Variants in NAV2 observed in about 807,000 individuals in gnomAD.
NAV2 encodes the protein neuron navigator 2.
Under a neutral mutation model 223.2 loss-of-function variants are expected in NAV2, and 54 were observed. That is an observed-to-expected ratio of 0.24 (90% CI 0.19 to 0.30). NAV2 has a LOEUF of 0.30. Ranked by LOEUF, NAV2 falls within the 10% of genes least tolerant of loss-of-function variation. NAV2 has a pLI of 1.00. For missense variants in NAV2, 2,806 were observed against 3,147.5 expected (o/e 0.89, Z 2.60); for synonymous variants, 1,279 against 1,239.3 (o/e 1.03, Z -0.67).
chr11:19,458,809 C>T (rs1435362147), intron 1 of NAV2, among the ~76,000 whole-genome samples: 1 of 152,268 alleles, frequency 6.6e-6, no homozygotes, highest in Non-Finnish European at 1.5e-5. Context: ...CCTTTCTAGT[C>T]ATACCTCCTA....
intron 1 of NAV2, among the ~76,000 whole-genome samples, chr11:19,353,076 G>A (rs1303574387): frequency 2.0e-5 from 3 of 152,114 alleles, no homozygotes; most frequent in East Asian, 3.8e-4. Context: ...TCTTCAGGGG[G>A]GATTGGCTGA....
At chr11:19,347,768 C>A (rs1853085343), upstream of NAV2, among the ~76,000 whole-genome samples, 1 of 152,184 alleles carries the variant, frequency 6.6e-6, no homozygotes, top group South Asian at 2.1e-4. Context: ...CTCAACAATT[C>A]AGTTAAATGT....
intron 1 of NAV2, among the ~76,000 whole-genome samples, chr11:19,777,096 C>G (rs1032595745): frequency 4.0e-5 from 6 of 150,020 alleles, no homozygotes; most frequent in South Asian, 2.1e-4. Flanking sequence ...GCCGCCGACC[C>G]CCCCCCCCAC....
chr11:19,448,558 T>G (rs1382486526), intron 1 of NAV2, among the ~76,000 whole-genome samples: 2 of 152,216 alleles, frequency 1.3e-5, no homozygotes, highest in African/African-American at 2.4e-5. Context: ...ACGTGGTTCT[T>G]CATGGGGAGA....
chr11:19,736,921 G>A (rs534424927), intron 1 of NAV2, among the ~76,000 whole-genome samples: 1 of 152,218 alleles, frequency 6.6e-6, no homozygotes, highest in Non-Finnish European at 1.5e-5. Flanking sequence ...CCCTACCAGG[G>A]GAAAAAAAAA....
In NAV2 at chr11:20,048,909, C is replaced by G; in HGVS notation, c.4084C>G (p.Leu1362Val). ...SSPLYSKNVD[L>V]NQSPLASSPS... ...TCCTCTCTACAGCAAGAATGTGGAC[C>G]TCAACCAGTCTCCGCTAGCCTCCAG... The change falls in exon 15 of 38, where the codon CTC becomes GTC. Residue 1362 changes from leucine to valine, a missense_variant. Coordinates refer to ENST00000349880, the MANE Select transcript of NAV2 (RefSeq NM_145117.5). 1 of 1,614,182 alleles carries G rather than the reference C, an allele frequency of 6.2e-7. No homozygotes were observed. The highest frequency in any genetic ancestry group is 8.5e-7 in the Non-Finnish European group (1 of 1,180,040).
At chr11:20,091,433 T>C (rs1229133815) in intron 27 of NAV2, among the ~76,000 whole-genome samples, 7 of 152,094 alleles carry the variant, frequency 4.6e-5, no homozygotes, top group Admixed American at 1.3e-4. Context: ...TTCCCTCCAC[T>C]GGGTATATTC....
intron 1 of NAV2, among the ~76,000 whole-genome samples, chr11:19,822,218 G>A (rs1011614474): frequency 6.6e-6 from 1 of 152,186 alleles, no homozygotes; most frequent in South Asian, 2.1e-4. Context: ...TTTTACAGAT[G>A]AGGCAACTGA....
intron 1 of NAV2, among the ~76,000 whole-genome samples, chr11:19,742,232 C>T (rs1400433659): frequency 6.6e-6 from 1 of 152,236 alleles, no homozygotes; most frequent in African/African-American, 2.4e-5. Context: ...GGGTCAAATA[C>T]TGGCTCTACC....
chr11:19,921,842 C>T (rs1016950097), intron 6 of NAV2, among the ~76,000 whole-genome samples: 1 of 152,168 alleles, frequency 6.6e-6, no homozygotes, highest in Non-Finnish European at 1.5e-5. Context: ...AATAAAAATG[C>T]TTAGCACTGT....
At position 19,971,408 on chromosome 11, in the gene NAV2, A is replaced by G. The variant is rs371700238; in HGVS notation, c.2646-12717A>G. ...TTTTAGGGGGCAAGGGGATGGAGAG[A>G]TGGGTTTGGGACCTATTTTGCAGGG... On this transcript the variant is annotated intron_variant, in intron 10 of 37. Transcript: ENST00000349880. 7.9e-5 allele frequency among the ~76,000 whole-genome samples: 12 copies of G among 152,146 alleles called. No individual in the cohort carries two copies. The East Asian group carries it at 9.7e-4, about 12-fold the overall frequency.
Position 19,713,237 on chromosome 11 carries a change from G to T in NAV2, c.-459G>T. On this transcript the variant is annotated 5_prime_UTR_variant, in exon 1 of 38. Coordinates refer to ENST00000349880, the MANE Select transcript of NAV2 (RefSeq NM_145117.5). The surrounding 1 kb of genome is among the most constrained non-coding windows in gnomAD (Gnocchi z 7.2). ...TCCTTGGCTGCTCGCTCTTTCTCTC[G>T]CCGGCTCAGACCCGTAGCCTCCGGA... The T allele has an allele frequency of 1.2e-6, 1 of 867,742 alleles. No homozygotes were observed. The highest frequency in any genetic ancestry group is 1.4e-6 in the Non-Finnish European group (1 of 720,726). The allele number at this position is 867,742 out of a possible 1,614,324, so 53.8% of individuals were successfully genotyped here. A position where few individuals can be genotyped will look rare whatever the true frequency, so the allele number is the denominator to read the frequency against.
chr11:19,905,742 A>G (rs1309754922), intron 6 of NAV2, among the ~76,000 whole-genome samples: 3 of 152,148 alleles, frequency 2.0e-5, no homozygotes, highest in African/African-American at 7.2e-5. Flanking sequence ...TAGGGCAAGG[A>G]TTCTTACCTA....
chr11:19,403,029 A>G (rs1849752237), intron 1 of NAV2, among the ~76,000 whole-genome samples: 1 of 152,208 alleles, frequency 6.6e-6, no homozygotes, highest in South Asian at 2.1e-4. Flanking sequence ...CAGCTCAGCC[A>G]CTTATGTTGT....
intron 10 of NAV2, among the ~76,000 whole-genome samples, chr11:19,956,248 T>C (rs552148947): frequency 6.6e-6 from 1 of 152,262 alleles, no homozygotes; most frequent in African/African-American, 2.4e-5. Flanking sequence ...CCAATTCTCC[T>C]ACACCAGCTG....
chr11:19,361,931 G>C (rs897068749), intron 1 of NAV2, among the ~76,000 whole-genome samples: 1 of 152,240 alleles, frequency 6.6e-6, no homozygotes, highest in East Asian at 1.9e-4. Flanking sequence ...AGAATCCCTA[G>C]GCTCCCATAA....
At chr11:19,388,612 C>A (rs1275687115) in intron 1 of NAV2, among the ~76,000 whole-genome samples, 1 of 152,038 alleles carries the variant, frequency 6.6e-6, no homozygotes, top group Admixed American at 6.5e-5. Context: ...GGTGTGATGG[C>A]GGATTTTGGT....
chr11:19,960,761 A>G (rs904880487), intron 10 of NAV2, among the ~76,000 whole-genome samples: 1 of 152,076 alleles, frequency 6.6e-6, no homozygotes, highest in African/African-American at 2.4e-5. Context: ...TTAGAGGCAC[A>G]TGCCACCATG....
intron 1 of NAV2, among the ~76,000 whole-genome samples, chr11:19,416,585 G>GA (rs1471675011): frequency 5.3e-5 from 8 of 152,124 alleles, no homozygotes; most frequent in Non-Finnish European, 1.2e-4. Context: ...CACAGAATTA[G>GA]AAAAAAACTA....
Sources: allele counts gnomAD v4.1 joint callset (sites outside exome capture counted in the v4.1 genomes callset), GRCh38; gene constraint gnomAD v4.1.1; non-coding constraint Gnocchi (gnomAD v3.1); transcripts MANE v1.5; gene names NCBI Gene and HGNC (gene_info 2026-07-23, HGNC 2026-07-21).